Variants in RPS6KC1 observed in about 807,000 individuals in gnomAD.
RPS6KC1 encodes inactive ribosomal protein S6 kinase delta-1.
RPS6KC1 carries 54 observed loss-of-function variants against 103.8 expected under a neutral mutation model. That is an observed-to-expected ratio of 0.52 (90% CI 0.42 to 0.65). RPS6KC1 has a LOEUF of 0.65. RPS6KC1 is among the 30% of genes least tolerant of loss of function. RPS6KC1 has a pLI of 0.00. For synonymous variants in RPS6KC1, 439 were observed against 438.7 expected (o/e 1.00, Z -0.01); for missense variants, 1,151 against 1,253.8 (o/e 0.92, Z 1.24).
chr1:213,524,046 G>C, the RPS6KC1 span, among the ~76,000 whole-genome samples: 1 of 152,134 alleles, frequency 6.6e-6, no homozygotes, highest in Admixed American at 6.5e-5. Flanking sequence ...GACAGAAAGA[G>C]GAAGCCCCGG....
rs1438481889 is a variant in RPS6KC1 at position 213,166,111 on chromosome 1, A to G, written c.836-1747A>G. ...CCATATCTTGACATTTCGAATTCCA[A>G]ATTATTTGGTGAGTTTTTTTTTTTT... On this transcript the variant is annotated intron_variant, in intron 6 of 14. Transcript: ENST00000366960. 1.8e-4 allele frequency among the ~76,000 whole-genome samples: 27 copies of G among 152,146 alleles called. 1 individual carries two copies. The highest frequency in any genetic ancestry group is 1.8e-3 in the Admixed American group (27 of 15,266).
At chr1:213,398,705 A>G in the RPS6KC1 span, among the ~76,000 whole-genome samples, 3 of 152,166 alleles carry the variant, frequency 2.0e-5, no homozygotes, top group Non-Finnish European at 4.4e-5. Flanking sequence ...AAATGCACCT[A>G]TTAGGCATCA....
the RPS6KC1 span, among the ~76,000 whole-genome samples, chr1:213,322,543 C>T: frequency 6.6e-6 from 1 of 152,156 alleles, no homozygotes; most frequent in Admixed American, 6.5e-5. Flanking sequence ...CAAATTACCA[C>T]AAATGTAGTG....
intron 6 of RPS6KC1, among the ~76,000 whole-genome samples, chr1:213,155,526 T>C (rs1461325563): frequency 6.6e-6 from 1 of 152,132 alleles, no homozygotes; most frequent in Non-Finnish European, 1.5e-5. Context: ...TCCTTTTTGC[T>C]CTAACAGGAC....
At chr1:213,848,782 T>C in the RPS6KC1 span, among the ~76,000 whole-genome samples, 1 of 152,282 alleles carries the variant, frequency 6.6e-6, no homozygotes, top group South Asian at 2.1e-4. Flanking sequence ...TTTTTTTATA[T>C]TGTAATGCTC....
At chr1:213,187,998 G>A (rs1486861710) in intron 8 of RPS6KC1, among the ~76,000 whole-genome samples, 1 of 152,086 alleles carries the variant, frequency 6.6e-6, no homozygotes, top group Non-Finnish European at 1.5e-5. Flanking sequence ...AAAGGGATTA[G>A]GCTGGCAGTG....
the RPS6KC1 span, among the ~76,000 whole-genome samples, chr1:213,361,485 C>T: frequency 1.3e-5 from 2 of 152,230 alleles, no homozygotes; most frequent in Non-Finnish European, 2.9e-5. Context: ...AAAGGGAATT[C>T]CCTGACCCCT....
At chr1:213,296,419 C>T in the RPS6KC1 span, among the ~76,000 whole-genome samples, 2 of 152,162 alleles carry the variant, frequency 1.3e-5, no homozygotes, top group Admixed American at 6.5e-5. Context: ...GGGGGCAGGG[C>T]TTTACTGTGC....
chr1:213,531,153 T>A, the RPS6KC1 span, among the ~76,000 whole-genome samples: 1 of 152,142 alleles, frequency 6.6e-6, no homozygotes, highest in Non-Finnish European at 1.5e-5. Context: ...AAGGGTGCCT[T>A]TTAGAAAGGG....
At chr1:213,789,036 G>T in the RPS6KC1 span, among the ~76,000 whole-genome samples, 2 of 152,140 alleles carry the variant, frequency 1.3e-5, no homozygotes, top group Non-Finnish European at 2.9e-5. Context: ...TCTCGGCCAG[G>T]CTCCTGACAG....
the RPS6KC1 span, among the ~76,000 whole-genome samples, chr1:213,850,939 A>G: frequency 6.6e-6 from 1 of 152,076 alleles, no homozygotes; most frequent in Non-Finnish European, 1.5e-5. Context: ...AGTCAGAAAC[A>G]TGTTTTCCCT....
chr1:213,271,062 G>T (rs923365503), intron 14 of RPS6KC1, among the ~76,000 whole-genome samples: 3 of 152,184 alleles, frequency 2.0e-5, no homozygotes, highest in Non-Finnish European at 4.4e-5. Flanking sequence ...ATGTGACCCA[G>T]CAATTCTGCT....
chr1:213,379,939 CAG>C, the RPS6KC1 span, among the ~76,000 whole-genome samples: 1 of 152,106 alleles, frequency 6.6e-6, no homozygotes, highest in African/African-American at 2.4e-5. Flanking sequence ...GACCTAAAGA[CAG>C]AAATACCATT....
chr1:213,577,871 G>A, the RPS6KC1 span, among the ~76,000 whole-genome samples: 1 of 152,366 alleles, frequency 6.6e-6, no homozygotes, highest in South Asian at 2.1e-4. Context: ...GCCTGATGAT[G>A]TAAAAATCCA....
At chr1:213,332,909 A>T in the RPS6KC1 span, among the ~76,000 whole-genome samples, 1 of 152,200 alleles carries the variant, frequency 6.6e-6, no homozygotes, top group African/African-American at 2.4e-5. Flanking sequence ...AGGAAACATT[A>T]CTTGGTTGGA....
At chr1:213,065,426 T>C (rs2078241979) in intron 1 of RPS6KC1, among the ~76,000 whole-genome samples, 1 of 152,270 alleles carries the variant, frequency 6.6e-6, no homozygotes, top group South Asian at 2.1e-4. Flanking sequence ...AGTATGGTTA[T>C]ATTCTTCCCT....
chr1:213,545,737 G>GGGC, the RPS6KC1 span, among the ~76,000 whole-genome samples: 3 of 152,124 alleles, frequency 2.0e-5, no homozygotes, highest in Non-Finnish European at 4.4e-5. Context: ...TAGATTGTGT[G>GGGC]GGCTCTGTGA....
At chr1:213,514,635 G>A in the RPS6KC1 span, among the ~76,000 whole-genome samples, 1 of 152,036 alleles carries the variant, frequency 6.6e-6, no homozygotes, top group African/African-American at 2.4e-5. Flanking sequence ...ATCGTTGTTG[G>A]ACATTTGGCT....
the RPS6KC1 span, among the ~76,000 whole-genome samples, chr1:213,428,186 C>G: frequency 2.0e-5 from 3 of 152,142 alleles, no homozygotes; most frequent in African/African-American, 4.8e-5. Context: ...CCTTTCAAAC[C>G]AAGTTATATG....
Sources: gnomAD v4.1 joint callset for allele counts (sites outside exome capture counted in the v4.1 genomes callset) on GRCh38, gnomAD v4.1.1 for gene constraint, MANE v1.5 for transcripts, NCBI Gene and HGNC (gene_info 2026-07-23, HGNC 2026-07-21) for gene names.